The following MAPK3 variants were observed in gnomAD, a reference collection of about 807,000 sequenced individuals.
MAPK3 encodes the protein mitogen-activated protein kinase 3, also known as MAPK 1.
MAPK3 carries 30 observed loss-of-function variants against 41.8 expected under a neutral mutation model. The ratio of observed to expected loss-of-function variants is 0.72; its 90% CI spans 0.54 to 0.97. MAPK3 has a LOEUF of 0.97. MAPK3 is among the 50% of genes least tolerant of loss of function. MAPK3 has a pLI of 0.00. For missense variants in MAPK3, 413 were observed against 509.9 expected, an observed-to-expected ratio of 0.81 and a Z score of 1.83; for synonymous variants, 222 against 213.4, an observed-to-expected ratio of 1.04 and a Z score of -0.35.
chr16:30,118,157 C>G lies in MAPK3; in HGVS notation c.550G>C (p.Asp184His). 1 of 1,613,912 alleles carries G rather than the reference C, an allele frequency of 6.2e-7. No homozygotes were observed. The highest frequency in any genetic ancestry group is 8.5e-7 in the Non-Finnish European group (1 of 1,179,970). Residue 184 changes from aspartate (D) to histidine (H), a missense_variant, in exon 4 of 9, where the codon GAT becomes CAT. Physicochemically the swap from Asp to His is moderately conservative, Grantham distance 81 (BLOSUM62 -1). This residue lies in a region of MAPK3 where 140 missense variants were observed against 206.0 expected (regional missense o/e 0.68). Transcript: ENST00000263025. Reference sequence around the variant, plus strand: ...TCGGCAATCCGGGCCAGGCCGAAATCACAAATCTGGAATCAGACCTAGCTG... The same window carrying G: ...TCGGCAATCCGGGCCAGGCCGAAATGACAAATCTGGAATCAGACCTAGCTG... ...INTTCDLKIC[D>H]FGLARIADPE...
chr16:30,117,180 T>C lies in MAPK3; in HGVS notation c.881A>G (p.Lys294Arg). 1.2e-6 allele frequency: 2 copies of C among 1,614,100 alleles called. No homozygotes were observed. The highest frequency in any genetic ancestry group is 1.7e-6 in the Non-Finnish European group (2 of 1,180,014). ...LPSKTKVAWA[K>R]LFPKSDSKAL... ...TTTGGAGTCTGACTTGGGGAAAAGC[T>C]TGGCCCAAGCCACCTTGGTCTTGGA... Residue 294 changes from lysine to arginine, a missense_variant, in exon 6 of 9, where the codon AAG (lysine) becomes AGG (arginine). Coordinates refer to ENST00000263025, the MANE Select transcript of MAPK3 (RefSeq NM_002746.3).
chr16:30,117,963 G>A (rs2072975139), intron 4 of MAPK3, 84 bp downstream of exon 4: 1 of 1,287,678 alleles, frequency 7.8e-7, no homozygotes, highest in Non-Finnish European at 1.1e-6. Context: ...CCTGTGTCAT[G>A]GGGGTCAGTG....
rs571722122 is a variant in MAPK3, at chr16:30,114,524, G to T, written c.*217C>A. ...TTGAACTGGGGCCACCTGAGGTCCC[G>T]AGGCCCCGTGGGGAGGGCGGGTGGG... On this transcript the variant is annotated 3_prime_UTR_variant, in exon 9 of 9. Coordinates refer to ENST00000263025, the MANE Select transcript of MAPK3 (RefSeq NM_002746.3). 24 of 152,492 alleles carry T rather than the reference G, an allele frequency of 1.6e-4. No individual in the cohort carries two copies. Among genetic ancestry groups the T allele is most frequent in the African/African-American group, 5.8e-4 (24 of 41,434 alleles). 9.4% of individuals were successfully genotyped at this position (152,492 alleles called of 1,614,324 possible).
chr16:30,121,763 G>A lies in MAPK3; in HGVS notation c.353+61C>T, dbSNP rs1194695233. 4.6e-6 allele frequency: 7 copies of A among 1,528,586 alleles called. No homozygotes were observed. In the East Asian group the frequency reaches 9.1e-5, roughly 20 times the overall value. The allele number at this position is 1,528,586 out of a possible 1,614,324, so 94.7% of individuals were successfully genotyped here. On this transcript the variant is annotated intron_variant, in intron 2 of 8. Coordinates refer to ENST00000263025, the MANE Select transcript of MAPK3 (RefSeq NM_002746.3). ...AAGATGGAAACAGAAACCAAGCAAC[G>A]GGTCCCCAGCCCAGCTGCGAGGCCG...
rs2072977238 is a variant in MAPK3 at position 30,118,099 on chromosome 16, TC to T, written c.607del (p.Glu203SerfsTer15). The T allele has an allele frequency of 1.2e-6, 2 of 1,613,906 alleles. No individual in the cohort carries two copies. Among genetic ancestry groups the T allele is most frequent in the South Asian group, 2.2e-5 (2 of 91,080 alleles). On this transcript the variant is annotated frameshift_variant, in exon 4 of 9. Coordinates refer to ENST00000263025, the MANE Select transcript of MAPK3 (RefSeq NM_002746.3). LOFTEE classifies it high-confidence loss of function. ...CCGGTACCAGCGCGTAGCCACATAC[TC>T]CGTCAGGAAGCCGGTGTGGTCATGC... The part of the protein sequence containing the change: ...PEHDHTGFLT[E>X]YVATRWYRAP...
At position 30,116,996 on chromosome 16, in the gene MAPK3, G is replaced by C. The variant is rs975482399; in HGVS notation, c.915C>G (p.Asp305Glu). ...LFPKSDSKAL[D>E]LLDRMLTFNP... ...TAAAGGTTAACATCCGGTCCAGCAG[G>C]TCAAGGGCTATGGAAGGGCAGGAGT... The change falls in exon 7 of 9, where the codon GAC becomes GAG. Residue 305 changes from aspartate to glutamate, a missense_variant. Around this residue, in one of 4 missense-constraint regions of MAPK3, gnomAD observed 123 missense variants for 147.8 expected, o/e 0.83. Transcript: ENST00000263025. 10 of 1,603,814 alleles carry C rather than the reference G, an allele frequency of 6.2e-6. No homozygotes were observed. In the Admixed American group the frequency reaches 1.3e-4, roughly 22 times the overall value.
intron 1 of MAPK3, 163 bp downstream of exon 1, chr16:30,122,877 A>C: frequency 3.9e-6 from 2 of 511,488 alleles, no homozygotes; most frequent in Non-Finnish European, 3.2e-6. Context: ...CCCAGAAAGC[A>C]CTCAGGGGCC....
intron 8 of MAPK3, among the ~76,000 whole-genome samples, chr16:30,116,200 A>G (rs1189820110): frequency 6.7e-6 from 1 of 150,182 alleles, no homozygotes; most frequent in Non-Finnish European, 1.5e-5. Flanking sequence ...GTGCCCGGCT[A>G]ATTTTTGTAT....
intron 3 of MAPK3, 77 bp from the exon 4 acceptor site, chr16:30,118,240 C>T: frequency 6.4e-7 from 1 of 1,567,238 alleles, no homozygotes; most frequent in South Asian, 1.1e-5. Context: ...TTGTCTTTGC[C>T]TCCACTGTTC....
chr16:30,118,497 A>G lies in MAPK3; in HGVS notation c.395T>C (p.Leu132Ser). 6.2e-7 allele frequency: 1 copy of G among 1,614,016 alleles called. No individual in the cohort carries two copies. The highest frequency in any genetic ancestry group is 8.5e-7 in the Non-Finnish European group (1 of 1,179,986). ...ATTGCTCAGCTGCTGGCTTTTCAGC[A>G]ACTTGTACAGGTCAGTCTCCATCAG... ...QDLMETDLYKLLKSQQLSNDH... is the reference protein window; with the variant it reads ...QDLMETDLYKSLKSQQLSNDH... Residue 132 changes from leucine (L) to serine (S), a missense_variant, in exon 3 of 9, where the codon TTG becomes TCG. This residue lies in a region of MAPK3 where 140 missense variants were observed against 206.0 expected (regional missense o/e 0.68). Coordinates refer to ENST00000263025, the MANE Select transcript of MAPK3 (RefSeq NM_002746.3).
At chr16:30,122,181 TG>T in intron 1 of MAPK3, 175 bp from the exon 2 acceptor site, 1 of 649,332 alleles carries the variant, frequency 1.5e-6, no homozygotes, top group Admixed American at 2.8e-5. Context: ...GAGAGAAAGC[TG>T]GGGACCAGCC....
At chr16:30,122,279 G>T (rs2073024314) in intron 1 of MAPK3, 1 of 518,340 alleles carries the variant, frequency 1.9e-6, no homozygotes, top group African/African-American at 1.9e-5. Context: ...CCATTCTACT[G>T]GCCCTGAACC....
intron 5 of MAPK3, 43 bp downstream of exon 5, chr16:30,117,627 A>T (rs944221503): frequency 8.7e-6 from 13 of 1,498,522 alleles, no homozygotes; most frequent in Non-Finnish European, 1.0e-5. Context: ...CTCACCTCGG[A>T]AAAGCTAATC....
In MAPK3 at chr16:30,116,959, G is replaced by A. The variant is rs755904687; in HGVS notation, c.952C>T (p.Arg318Trp). 1.4e-5 allele frequency: 23 copies of A among 1,612,612 alleles called. No homozygotes were observed. Among genetic ancestry groups the A allele is most frequent in the East Asian group, 2.2e-5 (1 of 44,870 alleles). Residue 318 changes from arginine to tryptophan, a missense_variant, in exon 7 of 9, where the codon CGG becomes TGG. Physicochemically the swap from Arg to Trp is moderately radical, Grantham distance 101. Transcript: ENST00000263025. The stretch of plus-strand genomic sequence containing the variant: ...GCCAGCGCTTCCTCCACTGTGATCC[G>A]TTTATTGGGGTTAAAGGTTAACATC... The part of the protein sequence containing the change: ...DRMLTFNPNK[R>W]ITVEEALAHP...
intron 7 of MAPK3, 33 bp downstream of exon 7, chr16:30,116,853 TCCCCTGCC>T: frequency 6.2e-7 from 1 of 1,613,216 alleles, no homozygotes; most frequent in South Asian, 1.1e-5. Flanking sequence ...GCCCCCCTGC[TCCCCTGCC>T]CCCAGCCCCA....
At position 30,123,024 on chromosome 16, in the gene MAPK3, C is replaced by A; in HGVS notation, c.170+16G>T. 2.0e-6 allele frequency: 3 copies of A among 1,502,516 alleles called. No individual in the cohort carries two copies. The highest frequency in any genetic ancestry group is 1.3e-5 in the South Asian group (1 of 78,546). 93.1% of individuals were successfully genotyped at this position (1,502,516 alleles called of 1,614,324 possible). A position where few individuals can be genotyped will look rare whatever the true frequency, so the allele number is the denominator to read the frequency against. On this transcript the variant is annotated intron_variant, in intron 1 of 8. Transcript: ENST00000263025. ...CCTCCCCTGAGGGCACCCCCTCCCC[C>A]GGAACGCCCCCTCACCTGACCATGC...
chr16:30,118,825 A>C (rs562049248), intron 2 of MAPK3, among the ~76,000 whole-genome samples: 30 of 152,228 alleles, frequency 2.0e-4, no homozygotes, highest in African/African-American at 5.5e-4. Context: ...TGTGGGAGGC[A>C]GGAGAACTTC....
chr16:30,116,828 G>A (rs749777594), intron 7 of MAPK3, 38 bp from the exon 8 acceptor site: 27 of 1,613,322 alleles, frequency 1.7e-5, no homozygotes, highest in African/African-American at 2.7e-5. Context: ...GGCCTGGCAT[G>A]GGGGATGCCT....
Position 30,116,942 on chromosome 16 carries a change from T to A in MAPK3, c.969A>T (p.Glu323Asp). 1 of 1,613,754 alleles carries A rather than the reference T, an allele frequency of 6.2e-7. No homozygotes were observed. Among genetic ancestry groups the A allele is most frequent in the Non-Finnish European group, 8.5e-7 (1 of 1,179,844 alleles). ...GCTCCAGGTAGGGGTGAGCCAGCGCTTCCTCCACTGTGATCCGTTTATTGG... is the reference window on the plus strand; with the variant it reads ...GCTCCAGGTAGGGGTGAGCCAGCGCATCCTCCACTGTGATCCGTTTATTGG... ...FNPNKRITVE[E>D]ALAHPYLEQY... is the part of the protein sequence containing the mutation. The change falls in exon 7 of 9, where the codon GAA becomes GAT. Residue 323 changes from glutamate to aspartate, a missense_variant. Around this residue, in one of 4 missense-constraint regions of MAPK3, gnomAD observed 123 missense variants for 147.8 expected, o/e 0.83. Coordinates refer to ENST00000263025, the MANE Select transcript of MAPK3 (RefSeq NM_002746.3).
Sources: allele counts gnomAD v4.1 joint callset (sites outside exome capture counted in the v4.1 genomes callset), GRCh38; gene constraint gnomAD v4.1.1; regional missense constraint gnomAD v4.1.1; transcripts MANE v1.5; gene names NCBI Gene and HGNC (gene_info 2026-07-23, HGNC 2026-07-21).